Variants in TECTB observed in about 807,000 individuals in gnomAD.
TECTB encodes tectorin beta.
Under a neutral mutation model 43.3 loss-of-function variants are expected in TECTB, and 45 were observed. The observed-to-expected ratio is 1.04, with a 90% CI of 0.82 to 1.33. TECTB has a LOEUF of 1.33. Ranked by LOEUF, TECTB falls within the 40% of genes most tolerant of loss-of-function variation. TECTB has a pLI of 0.00. For missense variants in TECTB, 399 were observed against 404.7 expected (o/e 0.99, Z 0.12); for synonymous variants, 169 against 156.7 (o/e 1.08, Z -0.59).
intron 5 of TECTB, 118 bp from the exon 6 acceptor site, chr10:112,293,620 C>A (rs994387123): frequency 2.4e-6 from 2 of 833,130 alleles, no homozygotes; most frequent in Non-Finnish European, 4.0e-6. Context: ...TATGGTCTCA[C>A]CTGCTTATGT....
At position 112,299,552 on chromosome 10, in the gene TECTB, C is replaced by T. The variant is rs774711816; in HGVS notation, c.895C>T (p.Leu299Phe). ...GACCGGGGGAGTCCTGGTCGTGGAG[C>T]TCTCCCTGCGGAGTAAGCGTCTCTG... ...DQTGGVLVVE[L>F]SLRSRGFSSL... is the part of the protein sequence containing the mutation. Residue 299 changes from leucine to phenylalanine, a missense_variant, in exon 9 of 11, where the codon CTC becomes TTC. Physicochemically the swap from Leu to Phe is conservative, Grantham distance 22. Coordinates refer to ENST00000646139, the MANE Select transcript of TECTB (RefSeq NM_058222.3). 1 of 1,610,240 alleles carries T rather than the reference C, an allele frequency of 6.2e-7. No homozygotes were observed. Among genetic ancestry groups the T allele is most frequent in the Admixed American group, 1.7e-5 (1 of 59,382 alleles).
chr10:112,286,207 AC>A lies in TECTB; in HGVS notation c.406del (p.Gln136ArgfsTer8). 6.2e-7 allele frequency: 1 copy of A among 1,614,082 alleles called. No individual in the cohort carries two copies. The highest frequency in any genetic ancestry group is 8.5e-7 in the Non-Finnish European group (1 of 1,179,992). Reference sequence around the variant, plus strand: ...TACTTGGTGAACCAGGCTGCCTTTGACCAGAGGTAAGTTGCTGTGCGGCATG... The same window carrying A: ...TACTTGGTGAACCAGGCTGCCTTTGACAGAGGTAAGTTGCTGTGCGGCATG... ...STYLVNQAAFDQRVATVHVKN... is the reference protein window; with the variant it reads ...STYLVNQAAFXQRVATVHVKN... On this transcript the variant is annotated frameshift_variant, in exon 4 of 11. Transcript: ENST00000646139. LOFTEE classifies it high-confidence loss of function.
intron 8 of TECTB, among the ~76,000 whole-genome samples, chr10:112,299,219 C>T (rs79737654): frequency 0.11 from 16,454 of 152,218 alleles, 994 homozygotes; most frequent in East Asian, 0.19. Flanking sequence ...TCAATCCCTT[C>T]CACACTCAAT....
At chr10:112,291,173 G>T (rs1589637838) in intron 5 of TECTB, among the ~76,000 whole-genome samples, 1 of 151,802 alleles carries the variant, frequency 6.6e-6, no homozygotes, top group South Asian at 2.1e-4. Flanking sequence ...CCACCAACAG[G>T]CCCCAGTGTG....
intron 2 of TECTB, 140 bp downstream of exon 2, chr10:112,283,950 C>T (rs1440895253): frequency 2.4e-6 from 2 of 848,798 alleles, no homozygotes; most frequent in East Asian, 5.5e-5. Context: ...GCACCCCCTC[C>T]AATACCAATC....
intron 5 of TECTB, among the ~76,000 whole-genome samples, chr10:112,287,087 T>C (rs1848461430): frequency 6.6e-6 from 1 of 152,252 alleles, no homozygotes; most frequent in Admixed American, 6.5e-5. Flanking sequence ...TCCAGAGATT[T>C]ATATTTAAGA....
In TECTB at chr10:112,304,717, T is replaced by A. The variant is rs1020034560; in HGVS notation, c.*1405T>A. ...ACTAGTTATGAAATCTCCGGATACA[T>A]GAAGTGTATGTTTGTTTAGTAATAG... On this transcript the variant is annotated 3_prime_UTR_variant, in exon 11 of 11. Coordinates refer to ENST00000646139, the MANE Select transcript of TECTB (RefSeq NM_058222.3). 2.1e-5 allele frequency: 3 copies of A among 140,920 alleles called. No homozygotes were observed. Among genetic ancestry groups the A allele is most frequent in the Admixed American group, 6.7e-5 (1 of 14,866 alleles). The allele number at this position is 140,920 out of a possible 1,614,324, so 8.7% of individuals were successfully genotyped here.
chr10:112,293,395 T>C (rs919992207), intron 5 of TECTB, among the ~76,000 whole-genome samples: 17 of 152,240 alleles, frequency 1.1e-4, no homozygotes, highest in Admixed American at 2.0e-4. Flanking sequence ...TCAGTCCCTG[T>C]GTCCTTGGGC....
intron 9 of TECTB, among the ~76,000 whole-genome samples, chr10:112,300,268 A>AAGAC (rs1386970844): frequency 5.4e-5 from 2 of 36,756 alleles, no homozygotes; most frequent in African/African-American, 1.9e-4. Flanking sequence ...GAAAGAAAGA[A>AAGAC]AGAAAGAAAG....
intron 5 of TECTB, among the ~76,000 whole-genome samples, chr10:112,293,213 G>A (rs919914975): frequency 4.6e-5 from 7 of 152,182 alleles, no homozygotes; most frequent in South Asian, 2.1e-4. Context: ...AGAGTCCATC[G>A]TCAGTGCCCA....
chr10:112,284,027 C>T (rs1848434513), intron 2 of TECTB, among the ~76,000 whole-genome samples: 1 of 151,896 alleles, frequency 6.6e-6, no homozygotes, highest in South Asian at 2.1e-4. Context: ...TTAGAGAATG[C>T]TTGCTCTATT....
At position 112,298,182 on chromosome 10, in the gene TECTB, T is replaced by C; in HGVS notation, c.785T>C (p.Leu262Ser). 6.2e-7 allele frequency: 1 copy of C among 1,614,220 alleles called. No homozygotes were observed. The highest frequency in any genetic ancestry group is 8.5e-7 in the Non-Finnish European group (1 of 1,180,028). The change falls in exon 8 of 11, where the codon TTA (leucine) becomes TCA (serine). Residue 262 changes from leucine to serine, a missense_variant. Coordinates refer to ENST00000646139, the MANE Select transcript of TECTB (RefSeq NM_058222.3). ...QNIPKLSKVW[L>S]HCETFICDSE... ...ATCCCCAAACTCTCCAAGGTGTGGT[T>C]ACACTGTGAGACGTTCATCTGCGAC...
intron 5 of TECTB, among the ~76,000 whole-genome samples, chr10:112,287,691 A>T (rs1244971025): frequency 2.6e-5 from 4 of 152,172 alleles, no homozygotes; most frequent in Non-Finnish European, 5.9e-5. Context: ...AGAAGCCCAG[A>T]GGGAGGAAGG....
chr10:112,286,993 A>G (rs1848460535), intron 5 of TECTB, among the ~76,000 whole-genome samples: 1 of 152,252 alleles, frequency 6.6e-6, no homozygotes, highest in Non-Finnish European at 1.5e-5. Flanking sequence ...CATTTTACAG[A>G]TGAGAAAACT....
At position 112,292,340 on chromosome 10, in the gene TECTB, G is replaced by A. The variant is rs1268559880; in HGVS notation, c.484-1398G>A. Among the ~76,000 whole-genome samples the A allele has an allele frequency of 2.0e-5, 3 of 152,124 alleles. No homozygotes were observed. The East Asian group carries it at 5.8e-4, about 29-fold the overall frequency. ...GAAATATCCCACATGCCAGGCCAGTGATCAGAACCTGCTGTTACTGTGCTC... is the reference window on the plus strand; with the variant it reads ...GAAATATCCCACATGCCAGGCCAGTAATCAGAACCTGCTGTTACTGTGCTC... On this transcript the variant is annotated intron_variant, in intron 5 of 10. Transcript: ENST00000646139.
chr10:112,285,923 C>T (rs893949475), intron 3 of TECTB, 148 bp from the exon 4 acceptor site: 2 of 993,002 alleles, frequency 2.0e-6, no homozygotes, highest in African/African-American at 3.2e-5. Context: ...CACCCGCAGA[C>T]AAGAAGAGTG....
intron 9 of TECTB, among the ~76,000 whole-genome samples, chr10:112,301,300 G>T (rs1482329575): frequency 6.6e-6 from 1 of 151,942 alleles, no homozygotes; most frequent in Non-Finnish European, 1.5e-5. Context: ...CCCAGTACTT[G>T]GGAGGCTGAG....
chr10:112,283,667 C>T lies in TECTB; in HGVS notation c.-68C>T. On this transcript the variant is annotated 5_prime_UTR_variant, in exon 2 of 11. Transcript: ENST00000646139. ...ACTTAGAATGATCGAGGCTCAGGCC[C>T]TGGAAGGACCGTAAACATTTGGCCA... is the stretch of plus-strand genomic sequence containing the variant. The T allele has an allele frequency of 4.7e-6, 7 of 1,490,856 alleles. No homozygotes were observed. The highest frequency in any genetic ancestry group is 6.5e-6 in the Non-Finnish European group (7 of 1,074,386). 92.4% of individuals were successfully genotyped at this position (1,490,856 alleles called of 1,614,324 possible). A position where few individuals can be genotyped will look rare whatever the true frequency, so the allele number is the denominator to read the frequency against.
At chr10:112,297,489 T>C (rs876282) in intron 7 of TECTB, among the ~76,000 whole-genome samples, 24,295 of 152,112 alleles carry the variant, frequency 0.16, 3,835 homozygotes, top group African/African-American at 0.41. Context: ...TATCAGCCTG[T>C]GTTAACATTT....
Sources: allele counts gnomAD v4.1 joint callset (sites outside exome capture counted in the v4.1 genomes callset), GRCh38; gene constraint gnomAD v4.1.1; transcripts MANE v1.5; gene names NCBI Gene and HGNC (gene_info 2026-07-23, HGNC 2026-07-21).